AKAP17A: variants seen among roughly 807,000 people sequenced by gnomAD.
AKAP17A encodes the protein A-kinase anchoring protein 17A.
Under a neutral mutation model 52.2 loss-of-function variants are expected in AKAP17A, and 15 were observed. The observed-to-expected ratio is 0.29, with a 90% CI of 0.19 to 0.44. AKAP17A has a LOEUF of 0.44. Ranked by LOEUF, AKAP17A falls within the 20% of genes least tolerant of loss-of-function variation. AKAP17A has a pLI of 1.00. For synonymous variants in AKAP17A, 514 were observed against 424.7 expected (o/e 1.21, Z -2.58); for missense variants, 1,060 against 1,007.0 (o/e 1.05, Z -0.71).
intron 1 of AKAP17A, among the ~76,000 whole-genome samples, chrX:1,592,129 G>A (rs1332444776): frequency 6.6e-6 from 1 of 151,864 alleles, no homozygotes; most frequent in Non-Finnish European, 1.5e-5. Context: ...TAGGGGACGT[G>A]GCGCTGCGGT....
intron 3 of AKAP17A, among the ~76,000 whole-genome samples, chrX:1,598,548 C>T (rs758916939): frequency 2.6e-5 from 4 of 152,200 alleles, no homozygotes; most frequent in Admixed American, 6.5e-5. Flanking sequence ...TTGAGAGCTG[C>T]GGGGCGGGGG....
At chrX:1,598,598 C>G (rs1469477969) in intron 3 of AKAP17A, among the ~76,000 whole-genome samples, 1 of 152,108 alleles carries the variant, frequency 6.6e-6, no homozygotes, top group African/African-American at 2.4e-5. Flanking sequence ...CTTGTGGACT[C>G]TCTCTGGGGA....
At chrX:1,599,135 T>C (rs1933198683) in intron 3 of AKAP17A, 57 bp from the exon 4 acceptor site, 5 of 1,590,020 alleles carry the variant, frequency 3.1e-6, no homozygotes, top group East Asian at 4.5e-5. Context: ...GCTTGTATGG[T>C]GTGTGGTGTG....
chrX:1,599,653 G>A, intron 4 of AKAP17A: 1 of 738,392 alleles, frequency 1.4e-6, no homozygotes, highest in South Asian at 1.7e-5. Context: ...CTTTTGCAAA[G>A]CTGGTGCATT....
Position 1,593,687 on chromosome X carries a change from C to G in AKAP17A, c.225C>G (p.Asp75Glu). The change falls in exon 2 of 5, where the codon GAC becomes GAG. Residue 75 changes from aspartate (D) to glutamate (E), a missense_variant. Transcript: ENST00000313871. The stretch of plus-strand genomic sequence containing the variant: ...TGCGTATTTCCAAGAGCACCATGGA[C>G]TTCATCCGCTTCGAGGGGGAGGTGG... ...STLRISKSTM[D>E]FIRFEGEVEN... 1 of 1,613,994 alleles carries G rather than the reference C, an allele frequency of 6.2e-7. No homozygotes were observed. Among genetic ancestry groups the G allele is most frequent in the Non-Finnish European group, 8.5e-7 (1 of 1,179,882 alleles).
Position 1,601,000 on chromosome X carries a change from G to A in AKAP17A, c.1494G>A (p.Glu498=). The A allele has an allele frequency of 6.2e-7, 1 of 1,605,112 alleles. No individual in the cohort carries two copies. The highest frequency in any genetic ancestry group is 1.3e-5 in the African/African-American group (1 of 74,866). ...GGQPPAGAPK[E]SPAHPEADGA... Reference sequence around the variant, plus strand: ...AGCCCCCGGCCGGTGCCCCCAAGGAGAGCCCGGCCCACCCAGAGGCCGACG... The same window carrying A: ...AGCCCCCGGCCGGTGCCCCCAAGGAAAGCCCGGCCCACCCAGAGGCCGACG... The change falls in exon 5 of 5, where the codon GAG becomes GAA. Residue 498 remains glutamate, a synonymous_variant. Coordinates refer to ENST00000313871, the MANE Select transcript of AKAP17A (RefSeq NM_005088.3).
At chrX:1,592,353 G>A (rs1329208879) in intron 1 of AKAP17A, among the ~76,000 whole-genome samples, 1 of 152,030 alleles carries the variant, frequency 6.6e-6, no homozygotes, top group Non-Finnish European at 1.5e-5. Context: ...GGGGGGCTGC[G>A]GTAGGTGGGA....
At position 1,600,940 on chromosome X, in the gene AKAP17A, T is replaced by C. The variant is rs1291666667; in HGVS notation, c.1434T>C (p.Cys478=). Reference sequence around the variant, plus strand: ...TCCTGCAGACCGTGTCGTCCGGCTGTGTGAGCGCCACCACGCTGCACCCCC... The same window carrying C: ...TCCTGCAGACCGTGTCGTCCGGCTGCGTGAGCGCCACCACGCTGCACCCCC... The part of the protein sequence containing the change: ...LDILQTVSSG[C]VSATTLHPLG... The change falls in exon 5 of 5, where the codon TGT becomes TGC. Residue 478 remains cysteine, a synonymous_variant. Coordinates refer to ENST00000313871, the MANE Select transcript of AKAP17A (RefSeq NM_005088.3). 6.3e-7 allele frequency: 1 copy of C among 1,580,274 alleles called. No individual in the cohort carries two copies. Among genetic ancestry groups the C allele is most frequent in the African/African-American group, 1.3e-5 (1 of 74,362 alleles).
In AKAP17A at chrX:1,601,645, C is replaced by T. The variant is rs1239756251; in HGVS notation, c.*51C>T. On this transcript the variant is annotated 3_prime_UTR_variant, in exon 5 of 5. Coordinates refer to ENST00000313871, the MANE Select transcript of AKAP17A (RefSeq NM_005088.3). ...TGTCCGGGAAAGACCAGGACCTGCT[C>T]GAGCCTCCTGGCCGCTCCTTGGCCG... 43 of 1,365,162 alleles carry T rather than the reference C, an allele frequency of 3.1e-5. No individual in the cohort carries two copies. The East Asian group carries it at 3.4e-4, about 11-fold the overall frequency. The allele number at this position is 1,365,162 out of a possible 1,614,324, so 84.6% of individuals were successfully genotyped here. A position where few individuals can be genotyped will look rare whatever the true frequency, so the allele number is the denominator to read the frequency against.
At chrX:1,592,425 G>A (rs1478898287) in intron 1 of AKAP17A, among the ~76,000 whole-genome samples, 2 of 152,024 alleles carry the variant, frequency 1.3e-5, no homozygotes, top group African/African-American at 2.4e-5. Context: ...GTGGTCGGAG[G>A]GCGCTGGAGG....
chrX:1,597,987 A>AG (rs1355564571), intron 3 of AKAP17A, among the ~76,000 whole-genome samples: 1 of 152,082 alleles, frequency 6.6e-6, no homozygotes, highest in South Asian at 2.1e-4. Context: ...GCTGAGCATG[A>AG]GGGGAGGCCC....
rs756213081 is a variant in AKAP17A at position 1,594,016 on chromosome X, G to A, written c.554G>A (p.Arg185Gln). ...VKVFEKFGEI[R>Q]NVDIPMLDPY... Reference sequence around the variant, plus strand: ...GTGTTTGAGAAGTTCGGGGAGATCCGGAATGTGGACATCCCCATGCTGGAC... The same window carrying A: ...GTGTTTGAGAAGTTCGGGGAGATCCAGAATGTGGACATCCCCATGCTGGAC... Residue 185 changes from arginine to glutamine, a missense_variant, in exon 2 of 5, where the codon CGG becomes CAG. By Grantham distance (43) the Arg-to-Gln change is conservative (BLOSUM62 1). This residue lies in a region of AKAP17A where 267 missense variants were observed against 377.1 expected (regional missense o/e 0.71). Transcript: ENST00000313871. The A allele has an allele frequency of 1.9e-6, 3 of 1,607,010 alleles. No homozygotes were observed. Among genetic ancestry groups the A allele is most frequent in the Non-Finnish European group, 2.6e-6 (3 of 1,176,206 alleles).
Position 1,595,522 on chromosome X carries a change from G to A in AKAP17A, c.901G>A (p.Ala301Thr). ...REKEAEERQRAEERKQKELEE... is the reference protein window; with the variant it reads ...REKEAEERQRTEERKQKELEE... ...GAAGGAAGCGGAGGAGAGGCAGCGA[G>A]CGGAGGAAAGGTACCTTCTGCGGGA... is the stretch of plus-strand genomic sequence containing the variant. Residue 301 changes from alanine (A) to threonine (T), a missense_variant, in exon 3 of 5, where the codon GCG becomes ACG. Ala to Thr is a moderately conservative substitution (Grantham distance 58). This residue lies in a region of AKAP17A where 793 missense variants were observed against 629.9 expected (regional missense o/e 1.26). Coordinates refer to ENST00000313871, the MANE Select transcript of AKAP17A (RefSeq NM_005088.3). 6.2e-7 allele frequency: 1 copy of A among 1,613,916 alleles called. No homozygotes were observed. Among genetic ancestry groups the A allele is most frequent in the Non-Finnish European group, 8.5e-7 (1 of 1,179,876 alleles).
chrX:1,600,333 C>G, intron 4 of AKAP17A: 1 of 728,510 alleles, frequency 1.4e-6, no homozygotes, highest in Non-Finnish European at 2.2e-6. Context: ...ACCGCAGGCG[C>G]CTGTGTGCAA....
intron 3 of AKAP17A, among the ~76,000 whole-genome samples, chrX:1,598,466 C>G (rs1210705205): frequency 6.6e-6 from 1 of 152,158 alleles, no homozygotes; most frequent in Non-Finnish European, 1.5e-5. Context: ...CTTCAGAAGT[C>G]TCCGCCTCCG....
In AKAP17A at chrX:1,593,868, G is replaced by C; in HGVS notation, c.406G>C (p.Asp136His). 1 of 1,612,804 alleles carries C rather than the reference G, an allele frequency of 6.2e-7. No homozygotes were observed. Among genetic ancestry groups the C allele is most frequent in the Non-Finnish European group, 8.5e-7 (1 of 1,179,234 alleles). ...DWDSFFRDAK[D>H]MNETLPGERP... ...GGACTCCTTCTTCCGCGACGCCAAG[G>C]ACATGAACGAGACCCTGCCGGGGGA... Residue 136 changes from aspartate (D) to histidine (H), a missense_variant, in exon 2 of 5, where the codon GAC becomes CAC. Transcript: ENST00000313871.
Position 1,601,855 on chromosome X carries a change from G to A in AKAP17A, c.*261G>A, listed in dbSNP as rs1172751215. 8 of 394,252 alleles carry A rather than the reference G, an allele frequency of 2.0e-5. No homozygotes were observed. The highest frequency in any genetic ancestry group is 1.3e-4 in the South Asian group (1 of 7,802). The allele number at this position is 394,252 out of a possible 1,614,324, so 24.4% of individuals were successfully genotyped here. A position where few individuals can be genotyped will look rare whatever the true frequency, so the allele number is the denominator to read the frequency against. On this transcript the variant is annotated 3_prime_UTR_variant, in exon 5 of 5. Transcript: ENST00000313871. ...TTGATCCGATAGCTTTAATGCGGCC[G>A]GTCCTCTCTCAGTCAGGAAAATTGC...
chrX:1,594,027 A>C lies in AKAP17A; in HGVS notation c.565A>C (p.Ile189Leu). 1 of 1,609,584 alleles carries C rather than the reference A, an allele frequency of 6.2e-7. No individual in the cohort carries two copies. Among genetic ancestry groups the C allele is most frequent in the Non-Finnish European group, 8.5e-7 (1 of 1,177,842 alleles). Residue 189 changes from isoleucine (I) to leucine (L), a missense_variant, in exon 2 of 5, where the codon ATC becomes CTC. Physicochemically the swap from Ile to Leu is conservative, Grantham distance 5. Around this residue, in one of 2 missense-constraint regions of AKAP17A, gnomAD observed 267 missense variants for 377.1 expected, o/e 0.71. Transcript: ENST00000313871. ...GTTCGGGGAGATCCGGAATGTGGAC[A>C]TCCCCATGCTGGACCCCTACCGGGA... Reference protein sequence around the residue: ...EKFGEIRNVDIPMLDPYREEM... With the variant: ...EKFGEIRNVDLPMLDPYREEM...
rs1200214819 is a variant in AKAP17A at position 1,595,245 on chromosome X, CATGAGTGGTGAGCG to C, written c.763-138_763-125del. On this transcript the variant is annotated intron_variant, in intron 2 of 4. Coordinates refer to ENST00000313871, the MANE Select transcript of AKAP17A (RefSeq NM_005088.3). ...CTCCACTGTCTGGGTCTGCACCGGA[CATGAGTGGTGAGCG>C]GTGAGCGGTGAGCGGGCGCTCAGGC... is the stretch of plus-strand genomic sequence containing the variant. 11 of 244,780 alleles carry C rather than the reference CATGAGTGGTGAGCG, an allele frequency of 4.5e-5. 4 individuals are homozygous for C. The African/African-American group carries it at 4.6e-4, about 10-fold the overall frequency. The allele number at this position is 244,780 out of a possible 1,614,324, so 15.2% of individuals were successfully genotyped here.
Sources: gnomAD v4.1 joint callset for allele counts (sites outside exome capture counted in the v4.1 genomes callset) on GRCh38, gnomAD v4.1.1 for gene constraint, gnomAD v4.1.1 regional missense constraint, MANE v1.5 for transcripts, NCBI Gene and HGNC (gene_info 2026-07-23, HGNC 2026-07-21) for gene names.